Variants in NAV3 observed in about 807,000 individuals in gnomAD.
NAV3 encodes pore membrane and/or filament interacting like protein 1.
Under a neutral mutation model 244.7 loss-of-function variants are expected in NAV3, and 87 were observed. The observed-to-expected ratio is 0.36, with a 90% CI of 0.30 to 0.42. The LOEUF (loss-of-function observed/expected upper bound fraction) is 0.42, where lower values mean the gene tolerates loss of function less well. NAV3 is among the 20% of genes least tolerant of loss of function. The pLI is 1.00. For synonymous variants in NAV3, 1,126 were observed against 1,042.2 expected, an observed-to-expected ratio of 1.08 and a Z score of -1.55; for missense variants, 2,663 against 2,893.3, an observed-to-expected ratio of 0.92 and a Z score of 1.83.
At chr12:77,817,926 G>A (rs1872582957) in intron 2 of NAV3, among the ~76,000 whole-genome samples, 1 of 152,132 alleles carries the variant, frequency 6.6e-6, no homozygotes, top group African/African-American at 2.4e-5. Flanking sequence ...GAAGGAAAAT[G>A]TCTGCCTCTC....
chr12:77,998,319 T>C lies in NAV3; in HGVS notation c.741-18T>C. The C allele has an allele frequency of 6.5e-7, 1 of 1,538,190 alleles. No individual in the cohort carries two copies. Among genetic ancestry groups the C allele is most frequent in the Non-Finnish European group, 8.7e-7 (1 of 1,148,816 alleles). ...TGTAATGTACAATAATGATGTAATT[T>C]TTCTTATACTATTTCAGGCTTCCAG... On this transcript the variant is annotated intron_variant, in intron 6 of 39. Transcript: ENST00000397909.
chr12:77,892,840 A>C (rs534680581), intron 1 of NAV3, among the ~76,000 whole-genome samples: 1 of 152,320 alleles, frequency 6.6e-6, no homozygotes, highest in East Asian at 1.9e-4. Flanking sequence ...AATATACGCA[A>C]AGTGCTTAGT....
chr12:77,856,844 G>A (rs1385656645), intron 1 of NAV3, among the ~76,000 whole-genome samples: 1 of 152,036 alleles, frequency 6.6e-6, no homozygotes, highest in Non-Finnish European at 1.5e-5. Context: ...TTCAAAATAA[G>A]CAGTTATACT....
Position 77,862,740 on chromosome 12 carries a change from T to C in NAV3, c.243+31036T>C, listed in dbSNP as rs1432638853. 3.3e-5 allele frequency among the ~76,000 whole-genome samples: 5 copies of C among 151,874 alleles called. No individual in the cohort carries two copies. In the East Asian group the frequency reaches 7.7e-4, roughly 23 times the overall value. On this transcript the variant is annotated intron_variant, in intron 1 of 39. Transcript: ENST00000397909. ...AAGTATCATTTCATCGGTGGTGATATGTGACCTTCTTCTTAAAACATTATT... is the reference window on the plus strand; with the variant it reads ...AAGTATCATTTCATCGGTGGTGATACGTGACCTTCTTCTTAAAACATTATT...
chr12:77,716,064 G>T (rs886536097), intron 2 of NAV3, among the ~76,000 whole-genome samples: 11 of 152,008 alleles, frequency 7.2e-5, no homozygotes, highest in Non-Finnish European at 1.5e-4. Context: ...ATCTATAACT[G>T]TAACTTTGAA....
intron 2 of NAV3, among the ~76,000 whole-genome samples, chr12:77,664,172 T>G (rs192306287): frequency 9.7e-4 from 147 of 152,278 alleles, no homozygotes; most frequent in African/African-American, 3.4e-3. Flanking sequence ...ATGAAATAGC[T>G]AATAATATTA....
At chr12:77,823,344 G>A (rs1034113848) in intron 2 of NAV3, among the ~76,000 whole-genome samples, 1 of 152,150 alleles carries the variant, frequency 6.6e-6, no homozygotes, top group East Asian at 1.9e-4. Flanking sequence ...AGAGAATGAG[G>A]ATGAGCACTG....
intron 5 of NAV3, among the ~76,000 whole-genome samples, chr12:77,991,959 A>T (rs149179297): frequency 0.022 from 3,284 of 151,962 alleles, 134 homozygotes; most frequent in African/African-American, 0.075. Flanking sequence ...TGAACCCAGG[A>T]GGTGGAGGTT....
intron 2 of NAV3, among the ~76,000 whole-genome samples, chr12:77,802,526 G>A (rs1434038469): frequency 2.0e-5 from 3 of 152,290 alleles, no homozygotes; most frequent in South Asian, 2.1e-4. Flanking sequence ...AAATAGTTAC[G>A]AAAAACAGAA....
chr12:78,012,960 A>G (rs985654402), intron 8 of NAV3, among the ~76,000 whole-genome samples: 2 of 152,130 alleles, frequency 1.3e-5, no homozygotes, highest in African/African-American at 4.8e-5. Context: ...GTTGAATGAA[A>G]CACTATCATC....
At chr12:77,666,528 C>T (rs117391706) in intron 2 of NAV3, among the ~76,000 whole-genome samples, 1,899 of 152,216 alleles carry the variant, frequency 0.012, 17 homozygotes, top group Middle Eastern at 0.027. Flanking sequence ...AAGAAAATGG[C>T]AGATTTAATT....
At chr12:77,784,120 T>C (rs1405780179) in intron 2 of NAV3, among the ~76,000 whole-genome samples, 1 of 152,156 alleles carries the variant, frequency 6.6e-6, no homozygotes, top group Non-Finnish European at 1.5e-5. Context: ...AATAAGACTA[T>C]GTACCCAAAG....
At chr12:78,065,531 A>C (rs1019876331) in intron 12 of NAV3, among the ~76,000 whole-genome samples, 1 of 152,188 alleles carries the variant, frequency 6.6e-6, no homozygotes, top group Non-Finnish European at 1.5e-5. Flanking sequence ...CACAAAGATC[A>C]AAGGACAACC....
At chr12:78,109,716 T>C (rs1954989206) in intron 12 of NAV3, among the ~76,000 whole-genome samples, 1 of 151,954 alleles carries the variant, frequency 6.6e-6, no homozygotes, top group South Asian at 2.1e-4. Flanking sequence ...TCTCAATAGA[T>C]GCAGAAAAAA....
At chr12:77,607,350 C>T (rs1565734586) in intron 2 of NAV3, among the ~76,000 whole-genome samples, 1 of 152,012 alleles carries the variant, frequency 6.6e-6, no homozygotes, top group Non-Finnish European at 1.5e-5. Flanking sequence ...ATTTTAGTCT[C>T]AACAAGGGAT....
At chr12:78,027,647 G>T (rs903849228) in intron 9 of NAV3, among the ~76,000 whole-genome samples, 2 of 152,132 alleles carry the variant, frequency 1.3e-5, no homozygotes, top group Non-Finnish European at 2.9e-5. Flanking sequence ...AGTTTATTCA[G>T]CATTCTCAGG....
At chr12:77,718,884 A>G (rs1281483133) in intron 2 of NAV3, among the ~76,000 whole-genome samples, 1 of 151,588 alleles carries the variant, frequency 6.6e-6, no homozygotes, top group Non-Finnish European at 1.5e-5. Context: ...CAAACTCCTG[A>G]CCTCAGGTGA....
chr12:77,952,540 G>T (rs1417120045), intron 3 of NAV3, among the ~76,000 whole-genome samples: 1 of 152,030 alleles, frequency 6.6e-6, no homozygotes, highest in South Asian at 2.1e-4. Context: ...AAGCTGTGTT[G>T]TGTCAGTCCT....
At chr12:78,003,085 C>G (rs1873584344) in intron 7 of NAV3, among the ~76,000 whole-genome samples, 1 of 145,222 alleles carries the variant, frequency 6.9e-6, no homozygotes, top group Non-Finnish European at 1.5e-5. Context: ...AACAGCTCTT[C>G]TAGGATCCCT....
Sources: allele counts gnomAD v4.1 joint callset (sites outside exome capture counted in the v4.1 genomes callset), GRCh38; gene constraint gnomAD v4.1.1; transcripts MANE v1.5; gene names NCBI Gene and HGNC (gene_info 2026-07-23, HGNC 2026-07-21).